TP53AIP1: variants seen among roughly 807,000 people sequenced by gnomAD.
The protein encoded by TP53AIP1 is tumor protein p53 regulated apoptosis inducing protein 1.
Under a neutral mutation model 9.5 loss-of-function variants are expected in TP53AIP1, and 14 were observed. The ratio of observed to expected loss-of-function variants is 1.47; its 90% CI spans 0.97 to 2.30. The LOEUF (loss-of-function observed/expected upper bound fraction) is 2.30, where lower values mean the gene tolerates loss of function less well. TP53AIP1 is among the 30% of genes most tolerant of loss of function. TP53AIP1 has a pLI of 0.00. For synonymous variants in TP53AIP1, 73 were observed against 61.2 expected, an observed-to-expected ratio of 1.19 and a Z score of -0.90; for missense variants, 153 against 146.7, an observed-to-expected ratio of 1.04 and a Z score of -0.22.
Position 128,939,901 on chromosome 11 carries a change from G to A in TP53AIP1, c.-76-2007C>T, listed in dbSNP as rs1184422005. ...TGTTTGAAAAGTGAAGCGTTAACACGAAGGAGGGTCCCAGCGGAGTTCATG... is the reference window on the plus strand; with the variant it reads ...TGTTTGAAAAGTGAAGCGTTAACACAAAGGAGGGTCCCAGCGGAGTTCATG... On this transcript the variant is annotated intron_variant, in intron 1 of 3. Transcript: ENST00000531399. The surrounding 1 kb of genome is among the most constrained non-coding windows in gnomAD (Gnocchi z 4.1). Among the ~76,000 whole-genome samples, 1 of 152,166 alleles carries A rather than the reference G, an allele frequency of 6.6e-6. No homozygotes were observed. Among genetic ancestry groups the A allele is most frequent in the African/African-American group, 2.4e-5 (1 of 41,428 alleles).
At chr11:128,940,001 C>T (rs997406843) in intron 1 of TP53AIP1, among the ~76,000 whole-genome samples, 1 of 152,186 alleles carries the variant, frequency 6.6e-6, no homozygotes, top group Non-Finnish European at 1.5e-5. Flanking sequence ...CTTCCAGCTG[C>T]CATGCAAACT....
intron 1 of TP53AIP1, among the ~76,000 whole-genome samples, chr11:128,938,949 G>A (rs1944889486): frequency 1.3e-5 from 2 of 152,140 alleles, no homozygotes; most frequent in African/African-American, 2.4e-5. Flanking sequence ...AGAGATTGTC[G>A]CTTCCCACCC....
chr11:128,935,441 T>C lies in TP53AIP1; in HGVS notation c.*150A>G. 7.0e-7 allele frequency: 1 copy of C among 1,420,804 alleles called. No individual in the cohort carries two copies. The highest frequency in any genetic ancestry group is 9.1e-7 in the Non-Finnish European group (1 of 1,093,726). 88.0% of individuals were successfully genotyped at this position (1,420,804 alleles called of 1,614,324 possible). A position where few individuals can be genotyped will look rare whatever the true frequency, so the allele number is the denominator to read the frequency against. On this transcript the variant is annotated 3_prime_UTR_variant, in exon 4 of 4. Transcript: ENST00000531399. ...AAATGAGGCAACCTAGCCACCCAAC[T>C]GGCCCAGTGGTCAAGGGGGGAAATG...
chr11:128,938,560 C>T (rs1944879996), intron 1 of TP53AIP1, among the ~76,000 whole-genome samples: 1 of 152,204 alleles, frequency 6.6e-6, no homozygotes, highest in Non-Finnish European at 1.5e-5. Flanking sequence ...ATCTGGGCTT[C>T]TGTGGCCCCT....
intron 3 of TP53AIP1, chr11:128,936,330 C>G (rs1944822904): frequency 7.3e-7 from 1 of 1,369,276 alleles, no homozygotes; most frequent in African/African-American, 1.5e-5. Flanking sequence ...TGTACCGTTA[C>G]CTTTTATTTT....
At chr11:128,940,874 C>T (rs1944927039) in intron 1 of TP53AIP1, among the ~76,000 whole-genome samples, 1 of 152,226 alleles carries the variant, frequency 6.6e-6, no homozygotes, top group Non-Finnish European at 1.5e-5. Context: ...CTAGTGTCAG[C>T]TTCAGCGCCG....
rs536739964 is a variant in TP53AIP1 at position 128,936,411 on chromosome 11, G to A, written c.253+127C>T. On this transcript the variant is annotated intron_variant, in intron 3 of 3. Coordinates refer to ENST00000531399, the MANE Select transcript of TP53AIP1 (RefSeq NM_022112.3). ...TGCCATGATGTCATTTTGTCAGATG[G>A]CAAATTTCAGGAGAGGGTCAAACTC... is the stretch of plus-strand genomic sequence containing the variant. The A allele has an allele frequency of 2.8e-6, 4 of 1,411,272 alleles. No individual in the cohort carries two copies. In the African/African-American group the frequency reaches 5.8e-5, roughly 20 times the overall value. The allele number at this position is 1,411,272 out of a possible 1,614,324, so 87.4% of individuals were successfully genotyped here. A position where few individuals can be genotyped will look rare whatever the true frequency, so the allele number is the denominator to read the frequency against.
In TP53AIP1 at chr11:128,937,165, C is replaced by T. The variant is rs1217302818; in HGVS notation, c.141+513G>A. ...CCCCTCCTCAGAGCCCACAAGCTTCCGAGTGCGTCATCTTCATTATTGGCC... is the reference window on the plus strand; with the variant it reads ...CCCCTCCTCAGAGCCCACAAGCTTCTGAGTGCGTCATCTTCATTATTGGCC... On this transcript the variant is annotated intron_variant, in intron 2 of 3. Coordinates refer to ENST00000531399, the MANE Select transcript of TP53AIP1 (RefSeq NM_022112.3). This position sits in a 1 kb window ranked among gnomAD's most constrained non-coding sequence, Gnocchi z 4.8. 6 of 1,106,308 alleles carry T rather than the reference C, an allele frequency of 5.4e-6. No homozygotes were observed. Among genetic ancestry groups the T allele is most frequent in the Admixed American group, 4.7e-5 (1 of 21,392 alleles). 68.5% of individuals were successfully genotyped at this position (1,106,308 alleles called of 1,614,324 possible).
At position 128,937,870 on chromosome 11, in the gene TP53AIP1, G is replaced by A; in HGVS notation, c.-52C>T. On this transcript the variant is annotated 5_prime_UTR_variant, in exon 2 of 4. Coordinates refer to ENST00000531399, the MANE Select transcript of TP53AIP1 (RefSeq NM_022112.3). The surrounding 1 kb of genome is among the most constrained non-coding windows in gnomAD (Gnocchi z 4.8). ...CAGAGAACTTGGCTTCTCCTCATTT[G>A]TTGTTAGGGCCAGTCCCTAAGGGAC... The A allele has an allele frequency of 6.4e-7, 1 of 1,553,624 alleles. No individual in the cohort carries two copies. Among genetic ancestry groups the A allele is most frequent in the Admixed American group, 2.0e-5 (1 of 50,264 alleles).
downstream of TP53AIP1, chr11:128,935,280 A>G: frequency 7.0e-7 from 1 of 1,428,072 alleles, no homozygotes; most frequent in Non-Finnish European, 9.1e-7. Flanking sequence ...CGCTTGGAGC[A>G]TACTTTTCCT....
rs370877216 is a variant in TP53AIP1, at chr11:128,938,677, T to A, written c.-76-783A>T. 4.4e-4 allele frequency among the ~76,000 whole-genome samples: 67 copies of A among 152,254 alleles called. No individual in the cohort carries two copies. The South Asian group carries it at 6.9e-3, about 16-fold the overall frequency. ...GCTGCATTCTGAGCTACTGCCCACA[T>A]CGCTTCCCCAGGGCGGCGGGAGCTC... On this transcript the variant is annotated intron_variant, in intron 1 of 3. Coordinates refer to ENST00000531399, the MANE Select transcript of TP53AIP1 (RefSeq NM_022112.3).
Position 128,935,431 on chromosome 11 carries a change from G to A in TP53AIP1, c.*160C>T, listed in dbSNP as rs1944793373. Reference sequence around the variant, plus strand: ...GAAGGATGCAAAATGAGGCAACCTAGCCACCCAACTGGCCCAGTGGTCAAG... The same window carrying A: ...GAAGGATGCAAAATGAGGCAACCTAACCACCCAACTGGCCCAGTGGTCAAG... On this transcript the variant is annotated 3_prime_UTR_variant, in exon 4 of 4. Transcript: ENST00000531399. The A allele has an allele frequency of 7.1e-7, 1 of 1,417,946 alleles. No homozygotes were observed. Among genetic ancestry groups the A allele is most frequent in the South Asian group, 1.6e-5 (1 of 61,300 alleles). 87.8% of individuals were successfully genotyped at this position (1,417,946 alleles called of 1,614,324 possible). A position where few individuals can be genotyped will look rare whatever the true frequency, so the allele number is the denominator to read the frequency against.
chr11:128,938,016 C>T lies in TP53AIP1; in HGVS notation c.-76-122G>A, dbSNP rs192636062. Reference sequence around the variant, plus strand: ...ATCTGGGAGGGGGAAGCCGATGCACCCAGAGACCCTAGGGCTGGGCTGTAA... The same window carrying T: ...ATCTGGGAGGGGGAAGCCGATGCACTCAGAGACCCTAGGGCTGGGCTGTAA... On this transcript the variant is annotated intron_variant, in intron 1 of 3. Transcript: ENST00000531399. 6.4e-4 allele frequency: 406 copies of T among 636,226 alleles called. 2 individuals carry two copies. The African/African-American group carries it at 6.6e-3, about 10-fold the overall frequency. 39.4% of individuals were successfully genotyped at this position (636,226 alleles called of 1,614,324 possible). A position where few individuals can be genotyped will look rare whatever the true frequency, so the allele number is the denominator to read the frequency against.
chr11:128,935,875 C>G, intron 3 of TP53AIP1, 163 bp from the exon 4 acceptor site: 2 of 1,312,594 alleles, frequency 1.5e-6, no homozygotes, highest in Non-Finnish European at 1.9e-6. Context: ...TCTCCCAAGA[C>G]AGGAAAAAAA....
chr11:128,935,883 A>C, intron 3 of TP53AIP1, 171 bp from the exon 4 acceptor site: 1 of 1,320,708 alleles, frequency 7.6e-7, no homozygotes, highest in Non-Finnish European at 9.6e-7. Flanking sequence ...GACAGGAAAA[A>C]AAATCTTTAG....
At chr11:128,938,061 C>T (rs1224009948) in intron 1 of TP53AIP1, among the ~76,000 whole-genome samples, 167 bp from the exon 2 acceptor site, 1 of 151,842 alleles carries the variant, frequency 6.6e-6, no homozygotes, top group Non-Finnish European at 1.5e-5. Flanking sequence ...TGAGGAGATG[C>T]TTTGGGAAAC....
rs1944809200 is a variant in TP53AIP1, at chr11:128,935,729, A to C, written c.254-17T>G. 1 of 1,545,580 alleles carries C rather than the reference A, an allele frequency of 6.5e-7. No homozygotes were observed. The highest frequency in any genetic ancestry group is 8.7e-7 in the Non-Finnish European group (1 of 1,153,750). On this transcript the variant is annotated splice_polypyrimidine_tract_variant and intron_variant, in intron 3 of 3. Coordinates refer to ENST00000531399, the MANE Select transcript of TP53AIP1 (RefSeq NM_022112.3). ...GACCAAGGCCTCAGTAGGGAGGGAG[A>C]GAATTTACTCTTTGCAAAACGTATG...
downstream of TP53AIP1, chr11:128,934,878 G>C (rs1267158502): frequency 4.7e-6 from 3 of 641,340 alleles, no homozygotes; most frequent in Middle Eastern, 3.8e-4. Flanking sequence ...GGGGATCCTC[G>C]GAAGTGTCAT....
chr11:128,934,769 A>C (rs1196924182), downstream of TP53AIP1: 1 of 488,586 alleles, frequency 2.0e-6, no homozygotes, highest in Non-Finnish European at 3.7e-6. Flanking sequence ...TGAACCTAGA[A>C]TGCACAAGGG....
Sources: gnomAD v4.1 joint callset for allele counts (sites outside exome capture counted in the v4.1 genomes callset) on GRCh38, gnomAD v4.1.1 for gene constraint, Gnocchi (gnomAD v3.1) non-coding constraint, MANE v1.5 for transcripts, NCBI Gene and HGNC (gene_info 2026-07-23, HGNC 2026-07-21) for gene names.